LIN52: variants seen among roughly 807,000 people sequenced by gnomAD.
The protein encoded by LIN52 is protein lin-52 homolog.
LIN52 carries 4 observed loss-of-function variants against 18.5 expected under a neutral mutation model. The observed-to-expected ratio is 0.22, with a 90% CI of 0.11 to 0.49. The LOEUF is 0.49. Ranked by LOEUF, LIN52 falls within the 20% of genes least tolerant of loss-of-function variation. The probability of loss-of-function intolerance (pLI) is 0.97; values close to 1 mark genes in which losing one functional copy is unlikely to be tolerated. For missense variants in LIN52, 102 were observed against 139.5 expected (o/e 0.73, Z 1.35); for synonymous variants, 34 against 45.5 (o/e 0.75, Z 1.02).
intron 5 of LIN52, among the ~76,000 whole-genome samples, chr14:74,128,993 T>C (rs2061045286): frequency 6.6e-6 from 1 of 152,022 alleles, no homozygotes; most frequent in Non-Finnish European, 1.5e-5. Flanking sequence ...GAGGAACAGA[T>C]TGTAAGGAAA....
At chr14:74,145,684 T>C (rs755798592) in intron 5 of LIN52, among the ~76,000 whole-genome samples, 1 of 152,234 alleles carries the variant, frequency 6.6e-6, no homozygotes, top group Non-Finnish European at 1.5e-5. Flanking sequence ...TTGTAAACTA[T>C]AGTAATTAAA....
chr14:74,113,649 A>G (rs533067420), intron 5 of LIN52, among the ~76,000 whole-genome samples: 2 of 152,318 alleles, frequency 1.3e-5, no homozygotes, highest in South Asian at 4.1e-4. Context: ...TCTCAGTGGT[A>G]GTAGGGAGCA....
At chr14:74,174,798 A>T (rs2061285418) in intron 5 of LIN52, 1 of 150,700 alleles carries the variant, frequency 6.6e-6, no homozygotes, top group South Asian at 2.1e-4. Context: ...TGAAAAAAAA[A>T]ATGGTACACC....
rs565342001 is a variant in LIN52, at chr14:74,170,976, T to C, written c.284-27946T>C. ...CTGGTATATTGCTTGAGCCCAGGAGTTTGAGACAAGCCTGGGCAACATAGT... is the reference window on the plus strand; with the variant it reads ...CTGGTATATTGCTTGAGCCCAGGAGCTTGAGACAAGCCTGGGCAACATAGT... On this transcript the variant is annotated intron_variant, in intron 5 of 5. Coordinates refer to ENST00000555028, the MANE Select transcript of LIN52 (RefSeq NM_001024674.3). Among the ~76,000 whole-genome samples the C allele has an allele frequency of 4.7e-5, 7 of 148,602 alleles. No homozygotes were observed. The East Asian group carries it at 1.4e-3, about 30-fold the overall frequency.
intron 5 of LIN52, among the ~76,000 whole-genome samples, chr14:74,137,581 C>T (rs751629822): frequency 3.4e-5 from 5 of 149,250 alleles, no homozygotes; most frequent in Non-Finnish European, 5.9e-5. Flanking sequence ...TCACCACAAC[C>T]TCTCCCTCCT....
At chr14:74,120,669 C>T (rs958448789) in intron 5 of LIN52, among the ~76,000 whole-genome samples, 22 of 151,694 alleles carry the variant, frequency 1.5e-4, no homozygotes, top group Admixed American at 6.6e-4. Flanking sequence ...GCAGGAGAAT[C>T]GCTTGAACCT....
intron 1 of LIN52, 62 bp downstream of exon 1, chr14:74,085,055 A>T (rs373681351): frequency 4.7e-6 from 6 of 1,289,832 alleles, no homozygotes; most frequent in Non-Finnish European, 5.0e-6. Context: ...GGGAACATCC[A>T]CTCTGTCTCT....
intron 5 of LIN52, among the ~76,000 whole-genome samples, chr14:74,140,305 G>A (rs62005154): frequency 0.1 from 15,346 of 152,116 alleles, 852 homozygotes; most frequent in South Asian, 0.18. Context: ...CTCTCAGTAG[G>A]ATCAATATTA....
At chr14:74,177,951 G>A (rs1454666330) in intron 5 of LIN52, among the ~76,000 whole-genome samples, 3 of 151,978 alleles carry the variant, frequency 2.0e-5, no homozygotes, top group Admixed American at 6.6e-5. Flanking sequence ...CTAATTTTTT[G>A]TATTTTTGGT....
intron 5 of LIN52, among the ~76,000 whole-genome samples, chr14:74,121,828 A>T (rs1199442683): frequency 1.3e-5 from 2 of 151,260 alleles, no homozygotes; most frequent in Non-Finnish European, 2.9e-5. Flanking sequence ...GGTTCAAGTG[A>T]TTATCCTGCC....
At chr14:74,144,985 G>A (rs116032669) in intron 5 of LIN52, among the ~76,000 whole-genome samples, 9 of 152,298 alleles carry the variant, frequency 5.9e-5, no homozygotes, top group East Asian at 3.9e-4. Flanking sequence ...AACAAGGCAC[G>A]TGATAGAAGA....
chr14:74,176,612 G>A (rs1002656323), intron 5 of LIN52, among the ~76,000 whole-genome samples: 9 of 152,054 alleles, frequency 5.9e-5, no homozygotes, highest in Non-Finnish European at 1.0e-4. Flanking sequence ...TGAGTAATGC[G>A]TTGCACTATG....
chr14:74,175,626 G>A (rs998093552), intron 5 of LIN52, among the ~76,000 whole-genome samples: 1 of 151,900 alleles, frequency 6.6e-6, no homozygotes, highest in Non-Finnish European at 1.5e-5. Context: ...GAGCCCAGGA[G>A]TGTGAGGCCG....
At chr14:74,115,660 T>G (rs1437251105) in intron 5 of LIN52, among the ~76,000 whole-genome samples, 1 of 152,270 alleles carries the variant, frequency 6.6e-6, no homozygotes, top group Non-Finnish European at 1.5e-5. Flanking sequence ...CAATTTAGCC[T>G]TAAGTATTTT....
chr14:74,091,349 A>G, intron 2 of LIN52, 43 bp downstream of exon 2: 1 of 1,227,828 alleles, frequency 8.1e-7, no homozygotes, highest in Non-Finnish European at 1.2e-6. Context: ...TGCAGGAGAA[A>G]CAATGTTCCT....
intron 5 of LIN52, among the ~76,000 whole-genome samples, chr14:74,162,015 G>A (rs1037241218): frequency 1.3e-5 from 2 of 152,178 alleles, no homozygotes; most frequent in Non-Finnish European, 2.9e-5. Flanking sequence ...GGTGAGTTAG[G>A]AAGCGAGAGA....
At chr14:74,181,681 G>A (rs1046296371) in intron 5 of LIN52, among the ~76,000 whole-genome samples, 1 of 151,972 alleles carries the variant, frequency 6.6e-6, no homozygotes, top group Admixed American at 6.6e-5. Context: ...TAATTTTCTG[G>A]CTGAGGATCC....
chr14:74,134,029 C>G (rs945033470), intron 5 of LIN52, among the ~76,000 whole-genome samples: 1 of 152,204 alleles, frequency 6.6e-6, no homozygotes, highest in African/African-American at 2.4e-5. Context: ...GATTGTGCCT[C>G]AGTTTGGAAA....
intron 5 of LIN52, among the ~76,000 whole-genome samples, chr14:74,197,081 C>G (rs1429902852): frequency 6.6e-6 from 1 of 152,192 alleles, no homozygotes; most frequent in Non-Finnish European, 1.5e-5. Context: ...AAATGATTTT[C>G]TTGCCAAATA....
Sources: allele counts gnomAD v4.1 joint callset (sites outside exome capture counted in the v4.1 genomes callset), GRCh38; gene constraint gnomAD v4.1.1; transcripts MANE v1.5; gene names NCBI Gene and HGNC (gene_info 2026-07-23, HGNC 2026-07-21).